The following GREB1L variants were observed in gnomAD, a reference collection of about 807,000 sequenced individuals.
GREB1L encodes the protein GREB1 like retinoic acid receptor coactivator.
A neutral mutation model predicts 200.8 loss-of-function variants in GREB1L; 17 were observed. The observed-to-expected ratio is 0.08, with a 90% CI of 0.06 to 0.13. The LOEUF is 0.13. Ranked by LOEUF, GREB1L falls within the 10% of genes least tolerant of loss-of-function variation. The pLI, the probability that GREB1L is intolerant of heterozygous loss-of-function variation, is 1.00. For synonymous variants in GREB1L, 789 were observed against 893.0 expected (o/e 0.88, Z 2.08); for missense variants, 1,657 against 2,367.7 (o/e 0.70, Z 6.23).
intron 2 of GREB1L, among the ~76,000 whole-genome samples, chr18:21,368,312 A>G (rs1477132162): frequency 1.3e-5 from 2 of 152,260 alleles, no homozygotes; most frequent in East Asian, 1.9e-4. Flanking sequence ...AATTGCCTAG[A>G]GCAAACCCAC....
rs572292392 is a variant in GREB1L at position 21,497,369 on chromosome 18, C to T, written c.3391+671C>T. Among the ~76,000 whole-genome samples the T allele has an allele frequency of 1.2e-4, 18 of 152,218 alleles. No individual in the cohort carries two copies. In the South Asian group the frequency reaches 1.2e-3, roughly 11 times the overall value. ...TGCAGAAAACATGGAAAATGTCGGC[C>T]GGGTGCAGTGGTCCTGTAATCCTAG... On this transcript the variant is annotated intron_variant, in intron 21 of 32. Transcript: ENST00000424526.
chr18:21,473,068 A>G lies in GREB1L; in HGVS notation c.2220A>G (p.Thr740=), dbSNP rs2035545342. 6.5e-7 allele frequency: 1 copy of G among 1,546,584 alleles called. No homozygotes were observed. Among genetic ancestry groups the G allele is most frequent in the African/African-American group, 1.4e-5 (1 of 72,822 alleles). ...LVDLGLEENG[T]AHQRAEKYVV... is the part of the protein sequence containing the mutation. Reference sequence around the variant, plus strand: ...ACTTGGGTCTGGAGGAAAATGGGACAGCCCATCAGAGAGCAGAAAAATATG... The same window carrying G: ...ACTTGGGTCTGGAGGAAAATGGGACGGCCCATCAGAGAGCAGAAAAATATG... The change falls in exon 16 of 33, where the codon ACA becomes ACG. Residue 740 remains threonine (T), a synonymous_variant. Coordinates refer to ENST00000424526, the MANE Select transcript of GREB1L (RefSeq NM_001142966.3).
chr18:21,406,025 A>T (rs1445152205), intron 7 of GREB1L, among the ~76,000 whole-genome samples: 1 of 145,946 alleles, frequency 6.9e-6, no homozygotes, highest in Non-Finnish European at 1.5e-5. Context: ...CCACCACAGC[A>T]CTCTGGCCTG....
intron 5 of GREB1L, among the ~76,000 whole-genome samples, chr18:21,399,600 G>A (rs1161512687): frequency 6.6e-6 from 1 of 151,958 alleles, no homozygotes; most frequent in African/African-American, 2.4e-5. Context: ...TTAAGGTATT[G>A]GACAAATAGT....
At chr18:21,472,988 G>A in intron 15 of GREB1L, 43 bp from the exon 16 acceptor site, 1 of 1,373,832 alleles carries the variant, frequency 7.3e-7, no homozygotes, top group South Asian at 1.4e-5. Flanking sequence ...GTGTGTGTAT[G>A]TGTAAAAGTG....
intron 2 of GREB1L, among the ~76,000 whole-genome samples, chr18:21,372,949 T>G (rs946720551): frequency 6.6e-6 from 1 of 152,154 alleles, no homozygotes; most frequent in African/African-American, 2.4e-5. Context: ...TCTTTTTTTT[T>G]GCTCATCAGC....
intron 1 of GREB1L, among the ~76,000 whole-genome samples, chr18:21,258,787 T>C (rs2037842468): frequency 6.6e-6 from 1 of 152,238 alleles, no homozygotes; most frequent in African/African-American, 2.4e-5. Flanking sequence ...CAATTGATCA[T>C]CAAATTTACT....
Position 21,496,482 on chromosome 18 carries a change from A to G in GREB1L, c.3175A>G (p.Ile1059Val). The G allele has an allele frequency of 1.9e-6, 3 of 1,551,738 alleles. No individual in the cohort carries two copies. The highest frequency in any genetic ancestry group is 2.6e-6 in the Non-Finnish European group (3 of 1,147,010). ...RSLKYCDLRL[I>V]DSSYLTRTAL... The stretch of plus-strand genomic sequence containing the variant: ...TTTGAAGTACTGTGACCTCCGGTTA[A>G]TTGACTCAAGCTATTTAACTCGCAC... The change falls in exon 21 of 33, where the codon ATT (isoleucine) becomes GTT (valine). Residue 1059 changes from isoleucine to valine, a missense_variant. Physicochemically the swap from Ile to Val is conservative, Grantham distance 29. This residue lies in a region of GREB1L where 512 missense variants were observed against 668.3 expected (regional missense o/e 0.77). Coordinates refer to ENST00000424526, the MANE Select transcript of GREB1L (RefSeq NM_001142966.3).
At chr18:21,318,860 A>T (rs1259899896) in intron 1 of GREB1L, among the ~76,000 whole-genome samples, 1 of 152,192 alleles carries the variant, frequency 6.6e-6, no homozygotes, top group African/African-American at 2.4e-5. Flanking sequence ...TCAGAGGATC[A>T]CAGGGTCGCT....
chr18:21,433,709 A>G (rs1257973832), intron 7 of GREB1L, among the ~76,000 whole-genome samples: 1 of 152,238 alleles, frequency 6.6e-6, no homozygotes, highest in Non-Finnish European at 1.5e-5. Flanking sequence ...GATTAGATGA[A>G]TCAGGAATCA....
At chr18:21,424,349 C>G (rs2032396370) in intron 7 of GREB1L, among the ~76,000 whole-genome samples, 1 of 152,214 alleles carries the variant, frequency 6.6e-6, no homozygotes. Context: ...AGGCGAATCA[C>G]TTGAGGCCAG....
At chr18:21,384,921 A>G (rs1176092858) in intron 4 of GREB1L, among the ~76,000 whole-genome samples, 1 of 152,104 alleles carries the variant, frequency 6.6e-6, no homozygotes, top group Non-Finnish European at 1.5e-5. Flanking sequence ...AAATTTATAG[A>G]GGATTAAAAT....
chr18:21,353,322 G>A (rs1030069641), intron 1 of GREB1L, among the ~76,000 whole-genome samples: 3 of 151,948 alleles, frequency 2.0e-5, no homozygotes, highest in African/African-American at 4.8e-5. Flanking sequence ...AGTATTAACC[G>A]AGACAGGGTA....
chr18:21,425,406 A>G (rs1172521295), intron 7 of GREB1L, among the ~76,000 whole-genome samples: 1 of 152,178 alleles, frequency 6.6e-6, no homozygotes, highest in African/African-American at 2.4e-5. Context: ...TTTCTCTCAC[A>G]TTTCAAACCT....
Position 21,473,056 on chromosome 18 carries a change from G to A in GREB1L, c.2208G>A (p.Glu736=). 3 of 1,543,120 alleles carry A rather than the reference G, an allele frequency of 1.9e-6. No homozygotes were observed. The highest frequency in any genetic ancestry group is 8.8e-7 in the Non-Finnish European group (1 of 1,142,768). The part of the protein sequence containing the change: ...QSGVLVDLGL[E]ENGTAHQRAE... ...GTGTCCTTGTAGACTTGGGTCTGGA[G>A]GAAAATGGGACAGCCCATCAGAGAG... Residue 736 remains glutamate (E), a synonymous_variant, in exon 16 of 33, where the codon GAG becomes GAA. Coordinates refer to ENST00000424526, the MANE Select transcript of GREB1L (RefSeq NM_001142966.3).
intron 1 of GREB1L, among the ~76,000 whole-genome samples, chr18:21,330,984 A>G (rs751081351): frequency 1.3e-5 from 2 of 152,222 alleles, no homozygotes; most frequent in Non-Finnish European, 2.9e-5. Flanking sequence ...ACACTTTCTA[A>G]TATACATATA....
At chr18:21,495,938 CT>C (rs2036527768) in intron 20 of GREB1L, among the ~76,000 whole-genome samples, 153 bp downstream of exon 20, 1 of 152,088 alleles carries the variant, frequency 6.6e-6, no homozygotes. Flanking sequence ...GCCATACAAC[CT>C]TCTTTTATTC....
intron 1 of GREB1L, among the ~76,000 whole-genome samples, chr18:21,249,543 T>C (rs1325148076): frequency 6.6e-6 from 1 of 152,128 alleles, no homozygotes; most frequent in Non-Finnish European, 1.5e-5. Context: ...GTGCTGGGGA[T>C]GCTGCAGGGA....
intron 5 of GREB1L, among the ~76,000 whole-genome samples, chr18:21,400,754 G>T (rs1366086489): frequency 2.0e-5 from 3 of 152,196 alleles, no homozygotes; most frequent in East Asian, 1.9e-4. Flanking sequence ...GGTAGAGAGG[G>T]CAGAGAACCA....
Sources: allele counts gnomAD v4.1 joint callset (sites outside exome capture counted in the v4.1 genomes callset), GRCh38; gene constraint gnomAD v4.1.1; regional missense constraint gnomAD v4.1.1; transcripts MANE v1.5; gene names NCBI Gene and HGNC (gene_info 2026-07-23, HGNC 2026-07-21).